Variants in PREP observed in about 807,000 individuals in gnomAD.
PREP encodes dJ355L5.1 (prolyl endopeptidase).
A neutral mutation model predicts 87.6 loss-of-function variants in PREP; 29 were observed. The observed-to-expected ratio is 0.33, with a 90% CI of 0.25 to 0.45. The LOEUF is 0.45. PREP is among the 20% of genes least tolerant of loss of function. PREP has a pLI of 1.00. For synonymous variants in PREP, 337 were observed against 328.6 expected (o/e 1.03, Z -0.28); for missense variants, 695 against 886.5 (o/e 0.78, Z 2.74).
At chr6:105,373,248 CT>C in intron 5 of PREP, 120 bp downstream of exon 5, 1 of 1,095,706 alleles carries the variant, frequency 9.1e-7, no homozygotes, top group Non-Finnish European at 1.3e-6. Context: ...ATACAACATC[CT>C]TTGAGGAAAC....
intron 7 of PREP, among the ~76,000 whole-genome samples, chr6:105,339,781 G>A (rs552052244): frequency 4.0e-4 from 61 of 152,168 alleles, no homozygotes; most frequent in African/African-American, 1.4e-3. Flanking sequence ...TGGAAGAAAG[G>A]GTATCAGTGA....
At chr6:105,337,636 C>G (rs554063534) in intron 7 of PREP, among the ~76,000 whole-genome samples, 16 of 152,342 alleles carry the variant, frequency 1.1e-4, no homozygotes, top group African/African-American at 3.8e-4. Flanking sequence ...CTTTCCCCAG[C>G]AGAAACATTC....
chr6:105,352,883 G>A, intron 7 of PREP, 89 bp downstream of exon 7: 1 of 1,139,530 alleles, frequency 8.8e-7, no homozygotes, highest in Non-Finnish European at 1.3e-6. Flanking sequence ...AATGGAAGAG[G>A]GTCTTGGGAA....
intron 2 of PREP, 129 bp from the exon 3 acceptor site, chr6:105,377,648 G>T: frequency 3.2e-6 from 3 of 950,826 alleles, no homozygotes; most frequent in Non-Finnish European, 4.8e-6. Flanking sequence ...CTCATTACCA[G>T]CCTCTCTCAC....
chr6:105,361,311 T>C (rs967061587), intron 6 of PREP, among the ~76,000 whole-genome samples: 5 of 152,172 alleles, frequency 3.3e-5, no homozygotes, highest in African/African-American at 1.2e-4. Context: ...ACAGGATATG[T>C]GGACTTACAT....
chr6:105,394,360 G>A (rs1459609441), intron 2 of PREP, among the ~76,000 whole-genome samples: 3 of 152,122 alleles, frequency 2.0e-5, no homozygotes, highest in African/African-American at 4.8e-5. Flanking sequence ...GACCTGAACC[G>A]AAATTTGGTA....
intron 7 of PREP, among the ~76,000 whole-genome samples, chr6:105,333,896 C>T (rs1442180465): frequency 6.6e-6 from 1 of 152,184 alleles, no homozygotes; most frequent in Non-Finnish European, 1.5e-5. Context: ...ACCACAGACA[C>T]TTTCACCCCC....
chr6:105,401,751 G>A (rs1258841212), intron 1 of PREP, among the ~76,000 whole-genome samples: 1 of 152,214 alleles, frequency 6.6e-6, no homozygotes, highest in East Asian at 1.9e-4. Flanking sequence ...ATGCATCAGT[G>A]TCACTTGGAA....
intron 5 of PREP, among the ~76,000 whole-genome samples, 197 bp from the exon 6 acceptor site, chr6:105,369,221 C>T (rs552477343): frequency 3.5e-4 from 53 of 152,266 alleles, no homozygotes; most frequent in Admixed American, 9.8e-4. Flanking sequence ...TACATTAGCA[C>T]CTCCAAAAAT....
At chr6:105,398,360 T>A (rs1583111085) in intron 1 of PREP, among the ~76,000 whole-genome samples, 1 of 152,186 alleles carries the variant, frequency 6.6e-6, no homozygotes, top group East Asian at 1.9e-4. Flanking sequence ...AGCTTCCCAA[T>A]GATTAGAAAA....
intron 4 of PREP, among the ~76,000 whole-genome samples, chr6:105,375,484 G>C (rs1340667037): frequency 1.3e-5 from 2 of 152,152 alleles, no homozygotes; most frequent in East Asian, 3.8e-4. Flanking sequence ...AGAAACCTTG[G>C]ATAATCTTCT....
chr6:105,334,755 C>T (rs535494656), intron 7 of PREP, among the ~76,000 whole-genome samples: 11 of 116,120 alleles, frequency 9.5e-5, no homozygotes, highest in South Asian at 5.1e-4. Context: ...GCGGTCTCTC[C>T]ATGTTGCCCA....
intron 10 of PREP, 128 bp from the exon 11 acceptor site, chr6:105,289,022 C>A: frequency 1.1e-6 from 1 of 894,128 alleles, no homozygotes; most frequent in Admixed American, 2.7e-5. Context: ...TAGTACCTCT[C>A]AAGGGCTATT....
rs890503126 is a variant in PREP, at chr6:105,381,789, C to G, written c.121-4270G>C. ...TTCAGTTATGCAAGATCATTAAGTTCTAGAGATCTGCTGTACAACACTGTA... is the reference window on the plus strand; with the variant it reads ...TTCAGTTATGCAAGATCATTAAGTTGTAGAGATCTGCTGTACAACACTGTA... On this transcript the variant is annotated intron_variant, in intron 2 of 14. Transcript: ENST00000652536. Among the ~76,000 whole-genome samples the G allele has an allele frequency of 8.5e-5, 13 of 152,200 alleles. No individual in the cohort carries two copies. In the South Asian group the frequency reaches 2.7e-3, roughly 32 times the overall value.
At chr6:105,344,145 G>A (rs1161221196) in intron 7 of PREP, among the ~76,000 whole-genome samples, 1 of 152,192 alleles carries the variant, frequency 6.6e-6, no homozygotes, top group East Asian at 1.9e-4. Context: ...TGATAGACTG[G>A]ATTAAGAAAA....
In PREP at chr6:105,333,413, G is replaced by A. The variant is rs1410302981; in HGVS notation, c.916C>T (p.Arg306Cys). The change falls in exon 8 of 15, where the codon CGC (arginine) becomes TGC (cysteine). Residue 306 changes from arginine (R) to cysteine (C), a missense_variant. By Grantham distance (180) the Arg-to-Cys change is radical. Around this residue, in one of 5 missense-constraint regions of PREP, gnomAD observed 517 missense variants for 620.3 expected, o/e 0.83. Transcript: ENST00000652536. ...ATCACGCGATAGTTGGGAGACTGGC[G>A]ATTCGTCTTGAATGTGAACACCGTC... ...EGTVFTFKTN[R>C]QSPNYRVINI... 11 of 1,614,090 alleles carry A rather than the reference G, an allele frequency of 6.8e-6. No homozygotes were observed. The highest frequency in any genetic ancestry group is 1.7e-5 in the Admixed American group (1 of 60,018).
intron 12 of PREP, among the ~76,000 whole-genome samples, chr6:105,284,049 A>C (rs1236802562): frequency 6.6e-6 from 1 of 152,252 alleles, no homozygotes; most frequent in Non-Finnish European, 1.5e-5. Context: ...GGGGTTCAGA[A>C]TTAGCATACA....
chr6:105,295,069 C>G (rs370505828), intron 10 of PREP, among the ~76,000 whole-genome samples: 1 of 152,052 alleles, frequency 6.6e-6, no homozygotes, highest in East Asian at 1.9e-4. Context: ...CAGCTGGGCT[C>G]TGAACTTAGG....
intron 2 of PREP, among the ~76,000 whole-genome samples, chr6:105,385,799 C>A (rs1005582455): frequency 6.6e-6 from 1 of 152,132 alleles, no homozygotes; most frequent in African/African-American, 2.4e-5. Context: ...CTCCAAATTA[C>A]AAGTCAGAAA....
Sources: allele counts gnomAD v4.1 joint callset (sites outside exome capture counted in the v4.1 genomes callset), GRCh38; gene constraint gnomAD v4.1.1; regional missense constraint gnomAD v4.1.1; transcripts MANE v1.5; gene names NCBI Gene and HGNC (gene_info 2026-07-23, HGNC 2026-07-21).